CES5A: variants seen among roughly 807,000 people sequenced by gnomAD.
CES5A encodes carboxylesterase 5A.
A neutral mutation model predicts 62.9 loss-of-function variants in CES5A; 67 were observed. That is an observed-to-expected ratio of 1.07 (90% confidence interval 0.88 to 1.31). CES5A has a LOEUF of 1.31. CES5A is among the 50% of genes most tolerant of loss of function. The pLI is 0.00. For synonymous variants in CES5A, 296 were observed against 280.8 expected, an observed-to-expected ratio of 1.05 and a Z score of -0.54; for missense variants, 748 against 708.5, an observed-to-expected ratio of 1.06 and a Z score of -0.63.
intron 4 of CES5A, among the ~76,000 whole-genome samples, chr16:55,869,049 G>C (rs1239795730): frequency 6.6e-6 from 1 of 152,210 alleles, no homozygotes; most frequent in Non-Finnish European, 1.5e-5. Context: ...GTGAGCATTC[G>C]AGAAGACCTG....
intron 3 of CES5A, among the ~76,000 whole-genome samples, chr16:55,869,955 G>C (rs1383220644): frequency 1.3e-5 from 2 of 152,236 alleles, no homozygotes; most frequent in Non-Finnish European, 2.9e-5. Context: ...CCACTGACTA[G>C]CTGTGTGACC....
upstream of CES5A, among the ~76,000 whole-genome samples, chr16:55,879,706 T>TGG (rs1485808899): frequency 6.6e-6 from 1 of 152,170 alleles, no homozygotes; most frequent in East Asian, 1.9e-4. Flanking sequence ...TCCTCCCACT[T>TGG]CAGTCTCCCA....
intron 5 of CES5A, among the ~76,000 whole-genome samples, chr16:55,865,311 CT>C (rs1468656928): frequency 6.6e-6 from 1 of 152,140 alleles, no homozygotes; most frequent in East Asian, 1.9e-4. Context: ...ATAAACATCT[CT>C]CTATTTATAT....
At chr16:55,897,653 A>C (rs2142438887) in intron 1 of CES5A, among the ~76,000 whole-genome samples, 1 of 152,312 alleles carries the variant, frequency 6.6e-6, no homozygotes, top group African/African-American at 2.4e-5. Context: ...ACAATGGGGA[A>C]ACTAAGATCC....
intron 1 of CES5A, among the ~76,000 whole-genome samples, chr16:55,904,204 A>G (rs1250638171): frequency 6.6e-6 from 1 of 152,236 alleles, no homozygotes; most frequent in East Asian, 1.9e-4. Context: ...GAGATGAAGA[A>G]TTGGCATGAT....
chr16:55,859,292 C>A (rs1294680347), intron 8 of CES5A, among the ~76,000 whole-genome samples: 1 of 152,206 alleles, frequency 6.6e-6, no homozygotes, highest in African/African-American at 2.4e-5. Flanking sequence ...ATGGACCGAT[C>A]CCCTCTTTCC....
chr16:55,905,495 T>C (rs1363926476), intron 1 of CES5A, among the ~76,000 whole-genome samples: 3 of 151,794 alleles, frequency 2.0e-5, no homozygotes, highest in African/African-American at 7.3e-5. Flanking sequence ...GCCTCCTGAG[T>C]AGCTGGGATT....
intron 1 of CES5A, among the ~76,000 whole-genome samples, chr16:55,918,623 T>C (rs1387195185): frequency 1.3e-5 from 2 of 152,314 alleles, no homozygotes; most frequent in East Asian, 3.9e-4. Flanking sequence ...ATTCCTATTT[T>C]CAATGGGGAA....
intron 11 of CES5A, 107 bp from the exon 12 acceptor site, chr16:55,846,947 T>G: frequency 1.1e-6 from 1 of 917,848 alleles, no homozygotes; most frequent in Non-Finnish European, 1.7e-6. Context: ...CACTGTAAAC[T>G]TACAAGCCTA....
At chr16:55,927,219 A>G (rs1173017059), upstream of CES5A, among the ~76,000 whole-genome samples, 3 of 152,240 alleles carry the variant, frequency 2.0e-5, no homozygotes, top group Admixed American at 2.0e-4. Flanking sequence ...AGAATTTATG[A>G]CTAAGACTCC....
At chr16:55,942,917 C>T (rs2034459733) in intron 2 of CES5A, among the ~76,000 whole-genome samples, 1 of 152,284 alleles carries the variant, frequency 6.6e-6, no homozygotes, top group African/African-American at 2.4e-5. Context: ...CATAATAGCA[C>T]ATACTGGGCG....
intron 1 of CES5A, among the ~76,000 whole-genome samples, chr16:55,923,420 G>A (rs4122233): frequency 6.6e-6 from 1 of 151,784 alleles, no homozygotes; most frequent in South Asian, 2.1e-4. Flanking sequence ...AAACCTAGAA[G>A]AAATGGATAA....
chr16:55,950,888 G>C (rs2034548544), intron 1 of CES5A, among the ~76,000 whole-genome samples: 2 of 151,682 alleles, frequency 1.3e-5, no homozygotes, highest in South Asian at 4.2e-4. Flanking sequence ...GGATCACGAG[G>C]ACAGGAGATC....
intron 1 of CES5A, among the ~76,000 whole-genome samples, chr16:55,904,870 C>T (rs1441295609): frequency 6.6e-6 from 1 of 152,188 alleles, no homozygotes; most frequent in Admixed American, 6.5e-5. Context: ...CATACCTCCC[C>T]CTACATCAGT....
chr16:55,908,642 G>A (rs1311851771), intron 1 of CES5A, among the ~76,000 whole-genome samples: 1 of 152,212 alleles, frequency 6.6e-6, no homozygotes, highest in East Asian at 1.9e-4. Flanking sequence ...TTACAAGCGT[G>A]AACCACCACG....
chr16:55,931,867 C>T (rs2034316049), intron 2 of CES5A, among the ~76,000 whole-genome samples: 1 of 152,184 alleles, frequency 6.6e-6, no homozygotes, highest in Non-Finnish European at 1.5e-5. Context: ...TATGAAGCAT[C>T]TACCACATGT....
chr16:55,942,710 TA>T (rs1289941632), intron 2 of CES5A, among the ~76,000 whole-genome samples: 2 of 152,232 alleles, frequency 1.3e-5, no homozygotes, highest in Admixed American at 6.5e-5. Flanking sequence ...TATGTGCACT[TA>T]AAATGTGGAA....
rs149581721 is a variant in CES5A, at chr16:55,869,862, C to T, written c.418-118G>A. On this transcript the variant is annotated intron_variant, in intron 3 of 12. Transcript: ENST00000290567. Reference sequence around the variant, plus strand: ...AATGTCCCACTTGCTAAGCAGGGTGCGAGGTTTTGTCATTTGAAGAAGGCC... The same window carrying T: ...AATGTCCCACTTGCTAAGCAGGGTGTGAGGTTTTGTCATTTGAAGAAGGCC... 2.2e-3 allele frequency: 3,057 copies of T among 1,384,890 alleles called. 4 individuals are homozygous for T. The highest frequency in any genetic ancestry group is 2.9e-3 in the South Asian group (187 of 63,596). 85.8% of individuals were successfully genotyped at this position (1,384,890 alleles called of 1,614,324 possible).
chr16:55,893,333 T>C (rs1567343762), intron 1 of CES5A, among the ~76,000 whole-genome samples: 3 of 151,878 alleles, frequency 2.0e-5, no homozygotes, highest in Non-Finnish European at 4.4e-5. Context: ...AAAATTGGAA[T>C]CATAAAGAAA....
Sources: allele counts gnomAD v4.1 joint callset (sites outside exome capture counted in the v4.1 genomes callset), GRCh38; gene constraint gnomAD v4.1.1; transcripts MANE v1.5; gene names NCBI Gene and HGNC (gene_info 2026-07-23, HGNC 2026-07-21).